Variants in CGNL1 observed in about 807,000 individuals in gnomAD.
CGNL1 encodes the protein cingulin like 1.
Under a neutral mutation model 141.2 loss-of-function variants are expected in CGNL1, and 132 were observed. The ratio of observed to expected loss-of-function variants is 0.93; its 90% CI spans 0.81 to 1.08. The LOEUF (loss-of-function observed/expected upper bound fraction) is 1.08, where lower values mean the gene tolerates loss of function less well. Among genes scored for constraint, CGNL1 ranks in the 50% least tolerant of loss-of-function variants. The pLI is 0.00. For synonymous variants in CGNL1, 690 were observed against 622.1 expected, an observed-to-expected ratio of 1.11 and a Z score of -1.63; for missense variants, 1,870 against 1,588.6, an observed-to-expected ratio of 1.18 and a Z score of -3.01.
rs1469618929 is a variant in CGNL1 at position 57,545,657 on chromosome 15, A to C, written c.3566A>C (p.Gln1189Pro). Residue 1189 changes from glutamine to proline, a missense_variant, in exon 17 of 19, where the codon CAG (glutamine) becomes CCG (proline). Physicochemically the swap from Gln to Pro is moderately conservative, Grantham distance 76. Coordinates refer to ENST00000281282, the MANE Select transcript of CGNL1 (RefSeq NM_032866.5). ...CGGAAAGTGAAGGAGCTGGTGATGCAGGTGGATGATGAGCACCTGTCATTG... is the reference window on the plus strand; with the variant it reads ...CGGAAAGTGAAGGAGCTGGTGATGCCGGTGGATGATGAGCACCTGTCATTG... ...LERKVKELVM[Q>P]VDDEHLSLTD... 1.2e-6 allele frequency: 2 copies of C among 1,613,642 alleles called. No individual in the cohort carries two copies. The highest frequency in any genetic ancestry group is 1.1e-5 in the South Asian group (1 of 90,978).
At chr15:57,429,817 T>A (rs1595694843) in intron 1 of CGNL1, among the ~76,000 whole-genome samples, 1 of 152,342 alleles carries the variant, frequency 6.6e-6, no homozygotes, top group Admixed American at 6.5e-5. Flanking sequence ...CAGATCCCTC[T>A]TATTTTTTGA....
rs765193693 is a variant in CGNL1 at position 57,438,290 on chromosome 15, C to G, written c.291C>G (p.Asn97Lys). 5.6e-6 allele frequency: 9 copies of G among 1,614,032 alleles called. No homozygotes were observed. Among genetic ancestry groups the G allele is most frequent in the Non-Finnish European group, 7.6e-6 (9 of 1,180,024 alleles). ...GCAATGGTTCTGTGCCAAAGGAGAA[C>G]AGTGAAGAACTTCAGCTTCCAGAAA... ...HSSNGSVPKE[N>K]SEELQLPENP... The change falls in exon 2 of 19, where the codon AAC (asparagine) becomes AAG (lysine). Residue 97 changes from asparagine (N) to lysine (K), a missense_variant. Physicochemically the swap from Asn to Lys is moderately conservative, Grantham distance 94. Coordinates refer to ENST00000281282, the MANE Select transcript of CGNL1 (RefSeq NM_032866.5).
Position 57,518,470 on chromosome 15 carries a change from C to T in CGNL1, c.2688C>T (p.Ala896=), listed in dbSNP as rs780951622. Residue 896 remains alanine (A), a synonymous_variant, in exon 10 of 19, where the codon GCC becomes GCT. Transcript: ENST00000281282. ...EEKEAVSARR[A]LENELEAAQG... is the part of the protein sequence containing the mutation. ...AAGAAGCTGTGTCAGCCAGAAGGGC[C>T]CTGGAGAATGAACTGGAGGCTGCTC... 25 of 1,611,462 alleles carry T rather than the reference C, an allele frequency of 1.6e-5. No homozygotes were observed. The East Asian group carries it at 5.1e-4, about 33-fold the overall frequency.
intron 10 of CGNL1, among the ~76,000 whole-genome samples, chr15:57,519,855 G>T (rs1195524916): frequency 6.6e-6 from 1 of 152,186 alleles, no homozygotes; most frequent in East Asian, 1.9e-4. Flanking sequence ...GCAGCTATGG[G>T]TCTCTCAGAA....
chr15:57,532,899 T>G (rs2032032989), intron 14 of CGNL1, among the ~76,000 whole-genome samples: 3 of 152,214 alleles, frequency 2.0e-5, no homozygotes, highest in Admixed American at 2.0e-4. Flanking sequence ...TGTTTTTGTC[T>G]TCTTTTTCAA....
intron 8 of CGNL1, among the ~76,000 whole-genome samples, chr15:57,484,288 A>C (rs1232561085): frequency 6.6e-6 from 1 of 152,180 alleles, no homozygotes; most frequent in Non-Finnish European, 1.5e-5. Context: ...CTTAATAGTT[A>C]TGAGGCTATT....
intron 1 of CGNL1, among the ~76,000 whole-genome samples, chr15:57,391,981 C>A (rs572503749): frequency 6.6e-6 from 1 of 151,096 alleles, no homozygotes; most frequent in Non-Finnish European, 1.5e-5. Flanking sequence ...TTTCCCCCCC[C>A]TCACCTGACA....
chr15:57,545,742 G>T (rs375340734), intron 17 of CGNL1, 42 bp downstream of exon 17: 8 of 1,521,122 alleles, frequency 5.3e-6, no homozygotes, highest in Admixed American at 1.8e-5. Context: ...ATGAGATTGC[G>T]TGTCTCAGGC....
chr15:57,512,985 C>T (rs1595782831), intron 8 of CGNL1, among the ~76,000 whole-genome samples: 1 of 151,708 alleles, frequency 6.6e-6, no homozygotes, highest in East Asian at 1.9e-4. Context: ...AGATATAATT[C>T]ATATAGCATA....
intron 11 of CGNL1, among the ~76,000 whole-genome samples, chr15:57,524,306 C>T (rs1567169359): frequency 2.0e-5 from 3 of 152,170 alleles, no homozygotes; most frequent in Non-Finnish European, 2.9e-5. Context: ...GAGAGGTTAA[C>T]GACGTGCCCC....
In CGNL1 at chr15:57,438,319, C is replaced by G. The variant is rs749365303; in HGVS notation, c.320C>G (p.Pro107Arg). 8.7e-6 allele frequency: 14 copies of G among 1,613,998 alleles called. No individual in the cohort carries two copies. In the South Asian group the frequency reaches 1.5e-4, roughly 18 times the overall value. Reference sequence around the variant, plus strand: ...GAAGAACTTCAGCTTCCAGAAAACCCATACGCCCAGCCTAGCCCAATAAGA... The same window carrying G: ...GAAGAACTTCAGCTTCCAGAAAACCGATACGCCCAGCCTAGCCCAATAAGA... ...NSEELQLPEN[P>R]YAQPSPIRNL... is the part of the protein sequence containing the mutation. Residue 107 changes from proline (P) to arginine (R), a missense_variant, in exon 2 of 19, where the codon CCA (proline) becomes CGA (arginine). Coordinates refer to ENST00000281282, the MANE Select transcript of CGNL1 (RefSeq NM_032866.5).
At chr15:57,543,502 T>C (rs969304084) in intron 14 of CGNL1, among the ~76,000 whole-genome samples, 194 bp from the exon 15 acceptor site, 19 of 152,122 alleles carry the variant, frequency 1.2e-4, no homozygotes, top group Admixed American at 3.3e-4. Context: ...GTATTACCAG[T>C]ATTGCAATCA....
At chr15:57,501,810 C>G (rs7173602) in intron 8 of CGNL1, among the ~76,000 whole-genome samples, 8,289 of 152,168 alleles carry the variant, frequency 0.054, 735 homozygotes, top group African/African-American at 0.18. Context: ...ATGGAAGCAG[C>G]AGTGGGACCC....
At chr15:57,459,800 C>G (rs1379822394) in intron 7 of CGNL1, among the ~76,000 whole-genome samples, 1 of 152,098 alleles carries the variant, frequency 6.6e-6, no homozygotes, top group Admixed American at 6.5e-5. Context: ...GCAGGTGGTG[C>G]TTTTCACAAG....
At chr15:57,434,142 G>T (rs374133661) in intron 1 of CGNL1, among the ~76,000 whole-genome samples, 4 of 152,124 alleles carry the variant, frequency 2.6e-5, no homozygotes, top group African/African-American at 9.7e-5. Flanking sequence ...CAGAGAAAAC[G>T]TGTTTTTAGA....
intron 1 of CGNL1, among the ~76,000 whole-genome samples, chr15:57,406,252 G>A (rs958518404): frequency 6.6e-6 from 1 of 152,220 alleles, no homozygotes; most frequent in Non-Finnish European, 1.5e-5. Flanking sequence ...GCTGCCTGGG[G>A]GAAGGGCACT....
chr15:57,449,366 C>A (rs2063294736), intron 4 of CGNL1, among the ~76,000 whole-genome samples: 1 of 152,188 alleles, frequency 6.6e-6, no homozygotes, highest in Admixed American at 6.5e-5. Context: ...CAGTGAGTTG[C>A]CACTCTGGAC....
chr15:57,441,179 T>C (rs2063182571), intron 3 of CGNL1, among the ~76,000 whole-genome samples: 1 of 152,116 alleles, frequency 6.6e-6, no homozygotes, highest in Non-Finnish European at 1.5e-5. Context: ...TGCCTTACAA[T>C]TATTTGTCAG....
chr15:57,540,127 G>A (rs1447431860), intron 14 of CGNL1, among the ~76,000 whole-genome samples: 2 of 151,970 alleles, frequency 1.3e-5, no homozygotes, highest in East Asian at 1.9e-4. Context: ...TTCCAACACT[G>A]CCCTTCTCTT....
Sources: allele counts gnomAD v4.1 joint callset (sites outside exome capture counted in the v4.1 genomes callset), GRCh38; gene constraint gnomAD v4.1.1; transcripts MANE v1.5; gene names NCBI Gene and HGNC (gene_info 2026-07-23, HGNC 2026-07-21).